GALNTL5: variants seen among roughly 807,000 people sequenced by gnomAD.
GALNTL5 encodes the protein inactive polypeptide N-acetylgalactosaminyltransferase-like protein 5.
Under a neutral mutation model 51.0 loss-of-function variants are expected in GALNTL5, and 44 were observed. That is an observed-to-expected ratio of 0.86 (90% confidence interval 0.68 to 1.11). GALNTL5 has a LOEUF of 1.11. GALNTL5 is among the 50% of genes least tolerant of loss of function. GALNTL5 has a pLI of 0.00. For synonymous variants in GALNTL5, 192 were observed against 182.8 expected, an observed-to-expected ratio of 1.05 and a Z score of -0.41; for missense variants, 528 against 531.8, an observed-to-expected ratio of 0.99 and a Z score of 0.07.
chr7:151,979,475 G>A (rs1449139968), intron 3 of GALNTL5, among the ~76,000 whole-genome samples: 1 of 150,082 alleles, frequency 6.7e-6, no homozygotes, highest in Non-Finnish European at 1.5e-5. Flanking sequence ...GGTGGGGGGA[G>A]GGGGGCAGAG....
intron 7 of GALNTL5, among the ~76,000 whole-genome samples, chr7:152,011,915 T>G (rs2081742788): frequency 6.6e-6 from 1 of 152,204 alleles, no homozygotes; most frequent in Non-Finnish European, 1.5e-5. Flanking sequence ...AACTGAGTGG[T>G]TGAGAACAAT....
chr7:151,958,772 C>A (rs1032278363), intron 1 of GALNTL5, among the ~76,000 whole-genome samples: 1 of 152,164 alleles, frequency 6.6e-6, no homozygotes, highest in Non-Finnish European at 1.5e-5. Context: ...CCTTGTCCTG[C>A]GTCCAAGAAG....
chr7:151,980,363 C>T (rs1379617893), intron 3 of GALNTL5, among the ~76,000 whole-genome samples: 3 of 152,346 alleles, frequency 2.0e-5, no homozygotes, highest in African/African-American at 4.8e-5. Flanking sequence ...GGATGACAGG[C>T]GTGAGCCATT....
At chr7:151,993,040 C>G (rs2081447539) in intron 5 of GALNTL5, among the ~76,000 whole-genome samples, 1 of 151,978 alleles carries the variant, frequency 6.6e-6, no homozygotes, top group Non-Finnish European at 1.5e-5. Flanking sequence ...GAGTTCGAGA[C>G]TGGTCTGACC....
chr7:151,966,429 G>A (rs745646690), intron 1 of GALNTL5, among the ~76,000 whole-genome samples: 45 of 151,828 alleles, frequency 3.0e-4, no homozygotes, highest in Non-Finnish European at 4.4e-4. Context: ...CACAATGCCC[G>A]GCTAATTTTT....
intron 3 of GALNTL5, among the ~76,000 whole-genome samples, chr7:151,981,975 C>T (rs1471873908): frequency 1.3e-5 from 2 of 151,622 alleles, no homozygotes; most frequent in African/African-American, 4.8e-5. Flanking sequence ...CTAAAGTTAG[C>T]TCCAGCAGAT....
At chr7:151,992,653 T>C (rs1399811726) in intron 5 of GALNTL5, among the ~76,000 whole-genome samples, 2 of 152,222 alleles carry the variant, frequency 1.3e-5, no homozygotes, top group Admixed American at 6.6e-5. Flanking sequence ...TCATTGCATC[T>C]GCAAAGACTC....
chr7:152,011,649 T>C (rs1030065783), intron 7 of GALNTL5, among the ~76,000 whole-genome samples: 2 of 152,236 alleles, frequency 1.3e-5, no homozygotes, highest in Non-Finnish European at 2.9e-5. Flanking sequence ...TTGGATGCTC[T>C]GGTGTGAAAA....
At chr7:152,018,398 T>C (rs1473483090) in intron 8 of GALNTL5, among the ~76,000 whole-genome samples, 1 of 152,216 alleles carries the variant, frequency 6.6e-6, no homozygotes, top group Non-Finnish European at 1.5e-5. Context: ...TTAAAAAACA[T>C]CTCATTGTTT....
chr7:151,998,374 CA>C (rs1439381793), intron 5 of GALNTL5, among the ~76,000 whole-genome samples: 2 of 151,744 alleles, frequency 1.3e-5, no homozygotes, highest in Non-Finnish European at 2.9e-5. Flanking sequence ...AAAATTGCTG[CA>C]AATAAAAAAT....
intron 5 of GALNTL5, among the ~76,000 whole-genome samples, chr7:152,000,337 T>C (rs749432584): frequency 3.3e-5 from 5 of 152,120 alleles, no homozygotes; most frequent in East Asian, 1.9e-4. Flanking sequence ...AGAAGACAGA[T>C]TGAGTCACCA....
chr7:152,002,663 C>T (rs367764166), intron 5 of GALNTL5, 51 bp from the exon 6 acceptor site: 13 of 1,586,680 alleles, frequency 8.2e-6, no homozygotes, highest in East Asian at 4.5e-5. Context: ...TTTGGATTGC[C>T]GTATTTTTTC....
intron 5 of GALNTL5, among the ~76,000 whole-genome samples, chr7:151,994,556 C>T (rs1468023196): frequency 6.6e-6 from 1 of 152,038 alleles, no homozygotes; most frequent in Non-Finnish European, 1.5e-5. Flanking sequence ...CTGCTTCTCT[C>T]CCAGCCTGCC....
At chr7:151,960,072 C>G (rs6966531) in intron 1 of GALNTL5, 34,056 of 152,108 alleles carry the variant, frequency 0.22, 4,376 homozygotes, top group Admixed American at 0.32. Context: ...CCCCGCCCTT[C>G]GGTTGTAGGA....
intron 3 of GALNTL5, among the ~76,000 whole-genome samples, chr7:151,974,022 T>C (rs937171331): frequency 2.0e-5 from 3 of 152,184 alleles, no homozygotes; most frequent in Admixed American, 2.0e-4. Context: ...TTGCTTCCCC[T>C]TCACCTTCTG....
At chr7:151,993,009 G>A (rs1177014745) in intron 5 of GALNTL5, among the ~76,000 whole-genome samples, 2 of 152,034 alleles carry the variant, frequency 1.3e-5, no homozygotes, top group Non-Finnish European at 2.9e-5. Context: ...AGGCCGAGGC[G>A]GGCGGATCAC....
chr7:152,012,891 T>G (rs1249643158), intron 7 of GALNTL5, among the ~76,000 whole-genome samples: 1 of 152,064 alleles, frequency 6.6e-6, no homozygotes, highest in Non-Finnish European at 1.5e-5. Context: ...CGCTTGAACC[T>G]GGATGGCGGG....
intron 5 of GALNTL5, among the ~76,000 whole-genome samples, chr7:151,995,679 G>A (rs941529489): frequency 6.6e-6 from 1 of 151,018 alleles, no homozygotes; most frequent in African/African-American, 2.4e-5. Flanking sequence ...ATTTTTTTTG[G>A]CATTATGTAC....
chr7:152,010,571 C>G (rs2081719276), intron 7 of GALNTL5, among the ~76,000 whole-genome samples: 1 of 151,886 alleles, frequency 6.6e-6, no homozygotes, highest in African/African-American at 2.4e-5. Context: ...AGTTTGAGAC[C>G]AGCCTGGCTA....
Sources: allele counts gnomAD v4.1 joint callset (sites outside exome capture counted in the v4.1 genomes callset), GRCh38; gene constraint gnomAD v4.1.1; transcripts MANE v1.5; gene names NCBI Gene and HGNC (gene_info 2026-07-23, HGNC 2026-07-21).